The following SHISA9 variants were observed in gnomAD, a reference collection of about 807,000 sequenced individuals.
SHISA9 encodes the protein shisa family member 9.
A neutral mutation model predicts 38.0 loss-of-function variants in SHISA9; 13 were observed. The observed-to-expected ratio is 0.34, with a 90% CI of 0.22 to 0.54. The LOEUF (loss-of-function observed/expected upper bound fraction) is 0.54. SHISA9 is among the 20% of genes least tolerant of loss of function. The pLI, the probability that SHISA9 is intolerant of heterozygous loss-of-function variation, is 0.91. For missense variants in SHISA9, 538 were observed against 575.8 expected (o/e 0.93, Z 0.67); for synonymous variants, 275 against 242.0 (o/e 1.14, Z -1.27).
chr16:13,092,194 C>G (rs1331351207), intron 2 of SHISA9, among the ~76,000 whole-genome samples: 1 of 152,222 alleles, frequency 6.6e-6, no homozygotes, highest in Admixed American at 6.5e-5. Context: ...ACTCTGGAAG[C>G]TTCGTCCGAG....
At chr16:13,430,891 C>G in the SHISA9 span, among the ~76,000 whole-genome samples, 1 of 149,520 alleles carries the variant, frequency 6.7e-6, no homozygotes, top group Non-Finnish European at 1.5e-5. Context: ...TGCACTCCAT[C>G]CTGGGCAACA....
chr16:13,361,693 G>A, the SHISA9 span, among the ~76,000 whole-genome samples: 3 of 152,096 alleles, frequency 2.0e-5, no homozygotes, highest in South Asian at 4.1e-4. Context: ...CCACCTGCAC[G>A]TCTTCAAAGG....
intron 2 of SHISA9, among the ~76,000 whole-genome samples, chr16:13,010,867 G>T (rs1225278105): frequency 6.6e-6 from 1 of 152,110 alleles, no homozygotes; most frequent in Non-Finnish European, 1.5e-5. Flanking sequence ...CACAAGAATC[G>T]CTTGAACCCA....
the SHISA9 span, among the ~76,000 whole-genome samples, chr16:13,302,801 G>A: frequency 6.6e-6 from 1 of 152,144 alleles, no homozygotes; most frequent in African/African-American, 2.4e-5. Context: ...GTCGAGGGAG[G>A]GACTTGGTGG....
At position 13,208,254 on chromosome 16, in the gene SHISA9, A is replaced by G. The variant is rs553344148; in HGVS notation, c.847+4705A>G. Among the ~76,000 whole-genome samples, 11 of 152,250 alleles carry G rather than the reference A, an allele frequency of 7.2e-5. No homozygotes were observed. The South Asian group carries it at 2.1e-3, about 29-fold the overall frequency. On this transcript the variant is annotated intron_variant, in intron 3 of 4. Coordinates refer to ENST00000558583, the MANE Select transcript of SHISA9 (RefSeq NM_001145204.3). The stretch of plus-strand genomic sequence containing the variant: ...TATTAGAATGCCTTAAACATGTGCC[A>G]TTCATTTCCTGCCAACTCAGGGAAA...
intron 2 of SHISA9, among the ~76,000 whole-genome samples, chr16:13,170,519 A>T (rs2050676795): frequency 6.6e-6 from 1 of 152,218 alleles, no homozygotes. Flanking sequence ...CATCAGGAAG[A>T]ATAGCTAATG....
chr16:13,005,631 C>T (rs1345601316), intron 2 of SHISA9, among the ~76,000 whole-genome samples: 1 of 152,140 alleles, frequency 6.6e-6, no homozygotes, highest in Non-Finnish European at 1.5e-5. Flanking sequence ...AATCTGGGTA[C>T]CTTCTCATCC....
At chr16:12,928,397 A>C (rs1369822081) in intron 2 of SHISA9, among the ~76,000 whole-genome samples, 2 of 152,082 alleles carry the variant, frequency 1.3e-5, no homozygotes, top group Admixed American at 1.3e-4. Context: ...TTTACAAATA[A>C]TGACACTGAG....
chr16:12,957,991 C>A (rs571865996), intron 2 of SHISA9, among the ~76,000 whole-genome samples: 4 of 152,196 alleles, frequency 2.6e-5, no homozygotes, highest in Non-Finnish European at 5.9e-5. Flanking sequence ...CAAATACCAT[C>A]GCAATGGGGA....
chr16:13,516,320 C>T, the SHISA9 span, among the ~76,000 whole-genome samples: 1 of 152,212 alleles, frequency 6.6e-6, no homozygotes, highest in Non-Finnish European at 1.5e-5. Flanking sequence ...CATAATCACC[C>T]TGGACCTAGA....
intron 2 of SHISA9, among the ~76,000 whole-genome samples, chr16:13,153,727 A>C (rs1411086916): frequency 6.6e-6 from 1 of 152,204 alleles, no homozygotes; most frequent in East Asian, 1.9e-4. Flanking sequence ...TCTCTGGAGC[A>C]TGAGAAAATA....
the SHISA9 span, among the ~76,000 whole-genome samples, chr16:13,296,669 T>G: frequency 6.6e-6 from 1 of 151,638 alleles, no homozygotes; most frequent in Non-Finnish European, 1.5e-5. Flanking sequence ...GGCAAACAGA[T>G]CACTTGAGAT....
At chr16:13,155,556 C>T (rs1322969637) in intron 2 of SHISA9, among the ~76,000 whole-genome samples, 1 of 151,766 alleles carries the variant, frequency 6.6e-6, no homozygotes, top group Non-Finnish European at 1.5e-5. Context: ...GGGATGGCCT[C>T]TGGCCTTTCA....
chr16:13,070,149 TGTGTGCAC>T (rs1229100211), intron 2 of SHISA9, among the ~76,000 whole-genome samples: 1 of 147,398 alleles, frequency 6.8e-6, no homozygotes, highest in African/African-American at 2.5e-5. Flanking sequence ...TGTGTGTGTG[TGTGTGCAC>T]GCATGTGTCT....
chr16:13,296,980 A>G, the SHISA9 span, among the ~76,000 whole-genome samples: 1 of 151,880 alleles, frequency 6.6e-6, no homozygotes, highest in African/African-American at 2.4e-5. Context: ...AAAGAGAATA[A>G]CCATTCATAT....
At chr16:13,423,647 A>G in the SHISA9 span, among the ~76,000 whole-genome samples, 517 of 152,266 alleles carry the variant, frequency 3.4e-3, 1 homozygote, top group Non-Finnish European at 5.2e-3. Context: ...TCACAGTTCT[A>G]TATGTCTGTG....
chr16:13,257,874 T>C, the SHISA9 span, among the ~76,000 whole-genome samples: 1 of 152,216 alleles, frequency 6.6e-6, no homozygotes, highest in South Asian at 2.1e-4. Flanking sequence ...TTTATTTTTT[T>C]TGGTGACATA....
the SHISA9 span, among the ~76,000 whole-genome samples, chr16:13,485,584 A>G: frequency 6.6e-6 from 1 of 152,294 alleles, no homozygotes; most frequent in East Asian, 1.9e-4. Flanking sequence ...AAAATGTGTA[A>G]TTATCAAATG....
At chr16:13,332,585 A>G in the SHISA9 span, 1 of 152,170 alleles carries the variant, frequency 6.6e-6, no homozygotes, top group Non-Finnish European at 1.5e-5. Context: ...TTTTTCCCCA[A>G]ACAAGGACAA....
Sources: allele counts gnomAD v4.1 joint callset (sites outside exome capture counted in the v4.1 genomes callset), GRCh38; gene constraint gnomAD v4.1.1; transcripts MANE v1.5; gene names NCBI Gene and HGNC (gene_info 2026-07-23, HGNC 2026-07-21).